DAB1: variants seen among roughly 807,000 people sequenced by gnomAD.
DAB1 encodes DAB adaptor protein 1, also known as disabled homolog 1.
DAB1 carries 15 observed loss-of-function variants against 64.6 expected under a neutral mutation model. That is an observed-to-expected ratio of 0.23 (90% confidence interval 0.16 to 0.36). DAB1 has a LOEUF of 0.36. DAB1 is among the 10% of genes least tolerant of loss of function. The pLI is 1.00. For synonymous variants in DAB1, 235 were observed against 251.9 expected (o/e 0.93, Z 0.64); for missense variants, 596 against 706.7 (o/e 0.84, Z 1.78).
chr1:58,216,599 C>T (rs917754218), intron 4 of DAB1, among the ~76,000 whole-genome samples: 5 of 152,140 alleles, frequency 3.3e-5, no homozygotes, highest in South Asian at 2.1e-4. Context: ...CTTGAGGAAT[C>T]GCCACACCGT....
At chr1:58,375,415 T>C (rs1253707957) in intron 3 of DAB1, among the ~76,000 whole-genome samples, 4 of 133,628 alleles carry the variant, frequency 3.0e-5, no homozygotes, top group African/African-American at 5.8e-5. Flanking sequence ...TGTCAAAGGC[T>C]TTTTCTGCAT....
intron 7 of DAB1, among the ~76,000 whole-genome samples, chr1:57,607,039 G>A (rs902348787): frequency 1.2e-4 from 13 of 112,514 alleles, no homozygotes; most frequent in South Asian, 3.6e-4. Context: ...CATCTGCCTC[G>A]GCCTCCCAAT....
intron 2 of DAB1, among the ~76,000 whole-genome samples, chr1:57,182,558 T>TCTC (rs1343957737): frequency 6.6e-6 from 1 of 152,124 alleles, no homozygotes; most frequent in Non-Finnish European, 1.5e-5. Context: ...GAAAGACTTA[T>TCTC]CTCCTACCCT....
At chr1:57,539,356 A>G (rs1644768110) in intron 7 of DAB1, among the ~76,000 whole-genome samples, 1 of 152,228 alleles carries the variant, frequency 6.6e-6, no homozygotes, top group Non-Finnish European at 1.5e-5. Flanking sequence ...ACGGGATTCA[A>G]TTGTAATACT....
At chr1:57,670,049 A>G (rs960907732) in intron 6 of DAB1, among the ~76,000 whole-genome samples, 3 of 152,170 alleles carry the variant, frequency 2.0e-5, no homozygotes, top group Non-Finnish European at 2.9e-5. Context: ...ATAAAAGGGT[A>G]TCTGTATATT....
chr1:58,503,205 T>C (rs1219210625), intron 3 of DAB1, among the ~76,000 whole-genome samples: 1 of 151,928 alleles, frequency 6.6e-6, no homozygotes, highest in African/African-American at 2.4e-5. Context: ...AGAAAAAAAA[T>C]TCAAGAGAAA....
intron 3 of DAB1, among the ~76,000 whole-genome samples, chr1:58,374,810 G>T (rs912453221): frequency 7.2e-6 from 1 of 138,182 alleles, no homozygotes; most frequent in Non-Finnish European, 1.6e-5. Context: ...TCCTACCCAT[G>T]AGCATGGAAT....
chr1:58,425,304 A>G (rs1164211137), intron 3 of DAB1, among the ~76,000 whole-genome samples: 1 of 152,222 alleles, frequency 6.6e-6, no homozygotes, highest in Non-Finnish European at 1.5e-5. Flanking sequence ...GAATGGAGCC[A>G]ACATGAAAGA....
intron 1 of DAB1, among the ~76,000 whole-genome samples, chr1:57,308,881 G>A (rs2100725647): frequency 6.6e-6 from 1 of 152,192 alleles, no homozygotes; most frequent in South Asian, 2.1e-4. Flanking sequence ...AAAGTCTTTA[G>A]GCTTCTAGTC....
At chr1:58,261,434 G>A (rs183954886) in intron 4 of DAB1, among the ~76,000 whole-genome samples, 4 of 152,278 alleles carry the variant, frequency 2.6e-5, no homozygotes, top group Non-Finnish European at 4.4e-5. Context: ...ACCTGCCAAG[G>A]TAAGACCTAA....
chr1:57,012,686 G>C (rs1198738743), intron 12 of DAB1, among the ~76,000 whole-genome samples: 2 of 152,240 alleles, frequency 1.3e-5, no homozygotes, highest in Non-Finnish European at 2.9e-5. Context: ...TTCAGGAGAT[G>C]ACTATGGAAC....
intron 5 of DAB1, among the ~76,000 whole-genome samples, chr1:57,971,519 G>C (rs1645795516): frequency 6.6e-6 from 1 of 152,190 alleles, no homozygotes; most frequent in Admixed American, 6.5e-5. Flanking sequence ...TGCCAGCTTG[G>C]CAACATCAGG....
At chr1:57,707,354 C>G (rs1570756266) in intron 6 of DAB1, among the ~76,000 whole-genome samples, 1 of 141,828 alleles carries the variant, frequency 7.1e-6, no homozygotes, top group Non-Finnish European at 1.5e-5. Context: ...AAATAAGAAA[C>G]TTTTTTTTTT....
chr1:57,262,745 C>T (rs1438574344), intron 2 of DAB1, among the ~76,000 whole-genome samples: 1 of 152,208 alleles, frequency 6.6e-6, no homozygotes, highest in Non-Finnish European at 1.5e-5. Context: ...CCCAGAGCCT[C>T]TTCTGCTGAG....
intron 6 of DAB1, among the ~76,000 whole-genome samples, chr1:57,687,082 T>C (rs1570737596): frequency 1.3e-5 from 2 of 152,166 alleles, no homozygotes; most frequent in Non-Finnish European, 2.9e-5. Context: ...AGCATCCGAA[T>C]AGAATAAGAA....
chr1:57,887,016 CT>C (rs902763591), upstream of DAB1, among the ~76,000 whole-genome samples: 9 of 152,126 alleles, frequency 5.9e-5, no homozygotes, highest in African/African-American at 1.9e-4. Context: ...ACTTCATTTT[CT>C]TTTTTTTATC....
intron 4 of DAB1, among the ~76,000 whole-genome samples, chr1:58,151,953 A>C (rs1654962481): frequency 6.6e-6 from 1 of 152,214 alleles, no homozygotes; most frequent in African/African-American, 2.4e-5. Context: ...TCTTTATCAG[A>C]GATTTAAGTA....
intron 3 of DAB1, among the ~76,000 whole-genome samples, chr1:58,453,184 A>G (rs535200630): frequency 6.6e-6 from 1 of 152,140 alleles, no homozygotes; most frequent in African/African-American, 2.4e-5. Flanking sequence ...AAGGTAAAAC[A>G]CTAGTGAGAG....
intron 3 of DAB1, among the ~76,000 whole-genome samples, chr1:58,351,615 G>A (rs989597710): frequency 6.6e-6 from 1 of 151,810 alleles, no homozygotes; most frequent in African/African-American, 2.4e-5. Context: ...TTCCTCATTG[G>A]TAAGGTGAGA....
Sources: gnomAD v4.1 joint callset for allele counts (sites outside exome capture counted in the v4.1 genomes callset) on GRCh38, gnomAD v4.1.1 for gene constraint, MANE v1.5 for transcripts, NCBI Gene and HGNC (gene_info 2026-07-23, HGNC 2026-07-21) for gene names.